Variants in CD2AP observed in about 807,000 individuals in gnomAD.
CD2AP encodes the protein CD2-associated protein.
A neutral mutation model predicts 85.1 loss-of-function variants in CD2AP; 46 were observed. The observed-to-expected ratio is 0.54, with a 90% CI of 0.43 to 0.69. CD2AP has a LOEUF of 0.69. CD2AP is among the 30% of genes least tolerant of loss of function. The pLI is 0.00. For missense variants in CD2AP, 769 were observed against 729.5 expected, an observed-to-expected ratio of 1.05 and a Z score of -0.62; for synonymous variants, 255 against 252.9, an observed-to-expected ratio of 1.01 and a Z score of -0.08.
At chr6:47,492,554 C>T (rs1320993801) in intron 1 of CD2AP, among the ~76,000 whole-genome samples, 5 of 152,004 alleles carry the variant, frequency 3.3e-5, no homozygotes, top group African/African-American at 1.2e-4. Flanking sequence ...CTATGTTGCC[C>T]AGGCTGGCCT....
intron 17 of CD2AP, among the ~76,000 whole-genome samples, chr6:47,623,266 G>A (rs889195858): frequency 6.6e-6 from 1 of 152,132 alleles, no homozygotes; most frequent in Non-Finnish European, 1.5e-5. Flanking sequence ...GCTGTTTGTC[G>A]AAGCTAGCCA....
chr6:47,589,888 C>T (rs1290659497), intron 11 of CD2AP, among the ~76,000 whole-genome samples: 1 of 151,948 alleles, frequency 6.6e-6, no homozygotes, highest in Non-Finnish European at 1.5e-5. Flanking sequence ...GGAAATAGAC[C>T]TAACTCTGAG....
At chr6:47,613,465 A>T (rs1582626378) in intron 17 of CD2AP, among the ~76,000 whole-genome samples, 1 of 152,004 alleles carries the variant, frequency 6.6e-6, no homozygotes, top group South Asian at 2.1e-4. Flanking sequence ...TTCTTGGGTG[A>T]CTAAGGGCAT....
intron 12 of CD2AP, among the ~76,000 whole-genome samples, chr6:47,598,672 G>A (rs115734663): frequency 5.5e-4 from 83 of 150,730 alleles, no homozygotes; most frequent in African/African-American, 1.9e-3. Context: ...AACATTGTAC[G>A]TTCTCCCTAA....
chr6:47,585,922 C>T (rs774767620), intron 11 of CD2AP, among the ~76,000 whole-genome samples: 2 of 152,118 alleles, frequency 1.3e-5, no homozygotes, highest in African/African-American at 2.4e-5. Context: ...CTTGGAAATA[C>T]GGCCAACAAA....
intron 17 of CD2AP, 24 bp downstream of exon 17, chr6:47,612,560 A>G (rs1176745177): frequency 5.2e-6 from 8 of 1,528,282 alleles, no homozygotes; most frequent in Non-Finnish European, 7.3e-6. Context: ...TCCAGCATTG[A>G]GAGTTTAGTG....
At chr6:47,504,970 G>A (rs1766092217) in intron 2 of CD2AP, among the ~76,000 whole-genome samples, 1 of 145,516 alleles carries the variant, frequency 6.9e-6, no homozygotes, top group African/African-American at 2.6e-5. Flanking sequence ...GATGACTGTT[G>A]ACTTAGTGGT....
intron 11 of CD2AP, among the ~76,000 whole-genome samples, chr6:47,590,788 T>C (rs1768771894): frequency 6.6e-6 from 1 of 152,136 alleles, no homozygotes; most frequent in Non-Finnish European, 1.5e-5. Context: ...TATTTGAAGA[T>C]ACAATGTTTT....
chr6:47,622,668 T>C (rs904263573), intron 17 of CD2AP, among the ~76,000 whole-genome samples: 3 of 152,222 alleles, frequency 2.0e-5, no homozygotes, highest in African/African-American at 7.2e-5. Flanking sequence ...ACTTCCGCAG[T>C]TGGGACACAC....
In CD2AP at chr6:47,626,233, C is replaced by T. The variant is rs529956218; in HGVS notation, c.*2006C>T. 114 of 151,982 alleles carry T rather than the reference C, an allele frequency of 7.5e-4. No homozygotes were observed. Among genetic ancestry groups the T allele is most frequent in the African/African-American group, 2.7e-3 (112 of 41,530 alleles). 9.4% of individuals were successfully genotyped at this position (151,982 alleles called of 1,614,324 possible). ...TATTTAAAGTTTTTGCTTGTGTCCT[C>T]CTCAGTCAGAATAGAAAAGTAACTG... On this transcript the variant is annotated 3_prime_UTR_variant, in exon 18 of 18. Coordinates refer to ENST00000359314, the MANE Select transcript of CD2AP (RefSeq NM_012120.3).
At chr6:47,531,776 A>G (rs1436938841) in intron 2 of CD2AP, among the ~76,000 whole-genome samples, 1 of 152,112 alleles carries the variant, frequency 6.6e-6, no homozygotes, top group Non-Finnish European at 1.5e-5. Context: ...AGTATGTTTT[A>G]TAAGAATCCT....
rs1194617596 is a variant in CD2AP, at chr6:47,626,032, G to A, written c.*1805G>A. 1 of 151,740 alleles carries A rather than the reference G, an allele frequency of 6.6e-6. No individual in the cohort carries two copies. Among genetic ancestry groups the A allele is most frequent in the Non-Finnish European group, 1.5e-5 (1 of 67,778 alleles). 9.4% of individuals were successfully genotyped at this position (151,740 alleles called of 1,614,324 possible). A position where few individuals can be genotyped will look rare whatever the true frequency, so the allele number is the denominator to read the frequency against. On this transcript the variant is annotated 3_prime_UTR_variant, in exon 18 of 18. Coordinates refer to ENST00000359314, the MANE Select transcript of CD2AP (RefSeq NM_012120.3). ...CAACCTTAGGTAAAACAAAAATATT[G>A]TAATCCTAGAAATTATCCTCCAGCT...
At chr6:47,487,105 T>C (rs1037674860) in intron 1 of CD2AP, among the ~76,000 whole-genome samples, 1 of 152,216 alleles carries the variant, frequency 6.6e-6, no homozygotes, top group Non-Finnish European at 1.5e-5. Flanking sequence ...TTTTGGTGTA[T>C]GTGTGGGCAT....
Position 47,599,383 on chromosome 6 carries a change from C to A in CD2AP, c.1357C>A (p.Pro453Thr). The A allele has an allele frequency of 6.2e-7, 1 of 1,611,912 alleles. No homozygotes were observed. Residue 453 changes from proline (P) to threonine (T), a missense_variant, in exon 13 of 18, where the codon CCC becomes ACC. Pro to Thr is a conservative substitution (Grantham distance 38). Coordinates refer to ENST00000359314, the MANE Select transcript of CD2AP (RefSeq NM_012120.3). ...SKLKLDSEQL[P>T]LRPKSVDFDS... Reference sequence around the variant, plus strand: ...ACTAAAGCTAGATTCTGAACAGCTGCCCCTTAGACCAAAATCAGTAGACTT... The same window carrying A: ...ACTAAAGCTAGATTCTGAACAGCTGACCCTTAGACCAAAATCAGTAGACTT...
intron 2 of CD2AP, among the ~76,000 whole-genome samples, chr6:47,524,811 G>A (rs942846814): frequency 3.3e-5 from 5 of 152,160 alleles, no homozygotes; most frequent in African/African-American, 1.2e-4. Flanking sequence ...GTAACAAAAA[G>A]CATAGTAGAG....
intron 2 of CD2AP, among the ~76,000 whole-genome samples, chr6:47,527,771 T>A (rs1318244929): frequency 6.6e-6 from 1 of 152,200 alleles, no homozygotes; most frequent in Non-Finnish European, 1.5e-5. Context: ...TACTAGATAC[T>A]GCTTGTGCCA....
chr6:47,582,603 TATAC>T (rs1768509396), intron 11 of CD2AP, among the ~76,000 whole-genome samples: 1 of 152,168 alleles, frequency 6.6e-6, no homozygotes, highest in Admixed American at 6.5e-5. Flanking sequence ...GATTAGTTTA[TATAC>T]ATCAAGAAAC....
chr6:47,583,508 G>A (rs984389195), intron 11 of CD2AP, among the ~76,000 whole-genome samples: 1 of 151,944 alleles, frequency 6.6e-6, no homozygotes, highest in Non-Finnish European at 1.5e-5. Context: ...CATATAGTTA[G>A]AATCATACAG....
chr6:47,513,345 T>C (rs1201107535), intron 2 of CD2AP, among the ~76,000 whole-genome samples: 1 of 152,188 alleles, frequency 6.6e-6, no homozygotes, highest in African/African-American at 2.4e-5. Context: ...TCTTCAGTCA[T>C]GACTGCTTGG....
Sources: allele counts gnomAD v4.1 joint callset (sites outside exome capture counted in the v4.1 genomes callset), GRCh38; gene constraint gnomAD v4.1.1; transcripts MANE v1.5; gene names NCBI Gene and HGNC (gene_info 2026-07-23, HGNC 2026-07-21).